PRPSAP2: variants seen among roughly 807,000 people sequenced by gnomAD.
PRPSAP2 encodes phosphoribosyl pyrophosphate synthase-associated protein 2.
PRPSAP2 carries 24 observed loss-of-function variants against 40.6 expected under a neutral mutation model. That is an observed-to-expected ratio of 0.59 (90% confidence interval 0.43 to 0.83). The LOEUF is 0.83. Ranked by LOEUF, PRPSAP2 falls within the 40% of genes least tolerant of loss-of-function variation. PRPSAP2 has a pLI of 0.00. For synonymous variants in PRPSAP2, 149 were observed against 164.7 expected, an observed-to-expected ratio of 0.90 and a Z score of 0.73; for missense variants, 292 against 465.6, an observed-to-expected ratio of 0.63 and a Z score of 3.43.
At chr17:18,861,305 A>C (rs1047344172) in intron 1 of PRPSAP2, 1 of 152,190 alleles carries the variant, frequency 6.6e-6, no homozygotes, top group African/African-American at 2.4e-5. Context: ...TCTCTACTAA[A>C]AATACAAAAT....
chr17:18,906,150 C>T (rs1480864041), intron 8 of PRPSAP2, among the ~76,000 whole-genome samples: 2 of 152,214 alleles, frequency 1.3e-5, no homozygotes, highest in Non-Finnish European at 2.9e-5. Context: ...ATATAAATTA[C>T]ATTCCTCATA....
intron 6 of PRPSAP2, among the ~76,000 whole-genome samples, 186 bp from the exon 7 acceptor site, chr17:18,882,382 G>A (rs1253651722): frequency 6.6e-6 from 1 of 151,736 alleles, no homozygotes; most frequent in African/African-American, 2.4e-5. Context: ...GTGGTGGCAT[G>A]CACCTGTATT....
rs759140755 is a variant in PRPSAP2, at chr17:18,930,670, T to C, written c.1082T>C (p.Leu361Pro). ...CACAATGGGGAGTCCATGTCCTACC[T>C]TTTCAGAAACATAGGCTTAGATGAC... is the stretch of plus-strand genomic sequence containing the variant. ...RIHNGESMSY[L>P]FRNIGLDD is the part of the protein sequence containing the mutation. The change falls in exon 12 of 12, where the codon CTT (leucine) becomes CCT (proline). Residue 361 changes from leucine to proline, a missense_variant. By Grantham distance (98) the Leu-to-Pro change is moderately conservative. Coordinates refer to ENST00000268835, the MANE Select transcript of PRPSAP2 (RefSeq NM_002767.4). 1 of 1,613,030 alleles carries C rather than the reference T, an allele frequency of 6.2e-7. No individual in the cohort carries two copies. The highest frequency in any genetic ancestry group is 2.2e-5 in the East Asian group (1 of 44,862).
intron 4 of PRPSAP2, among the ~76,000 whole-genome samples, chr17:18,871,527 A>T (rs1219232674): frequency 6.6e-6 from 1 of 152,244 alleles, no homozygotes; most frequent in East Asian, 1.9e-4. Flanking sequence ...TTTATGACTG[A>T]TCACACATAT....
At chr17:18,866,063 A>T in intron 3 of PRPSAP2, 111 bp downstream of exon 3, 2 of 717,776 alleles carry the variant, frequency 2.8e-6, no homozygotes, top group Non-Finnish European at 3.7e-6. Flanking sequence ...TATAATTATA[A>T]AATAATTATA....
At chr17:18,917,640 A>G in intron 9 of PRPSAP2, 1 of 108,914 alleles carries the variant, frequency 9.2e-6, no homozygotes, top group Non-Finnish European at 1.7e-5. Flanking sequence ...GGGTTTCGCC[A>G]TGTTGGCCAG....
At position 18,908,871 on chromosome 17, in the gene PRPSAP2, CTTATT is replaced by C. The variant is rs375681103; in HGVS notation, c.585-2225_585-2221del. ...ATGCTGAGGAGAAGCAATAAATCAT[CTTATT>C]TTATTTCCTTTTCCTCCCTTTCCTT... On this transcript the variant is annotated intron_variant, in intron 8 of 11. Coordinates refer to ENST00000268835, the MANE Select transcript of PRPSAP2 (RefSeq NM_002767.4). 679 of 578,376 alleles carry C rather than the reference CTTATT, an allele frequency of 1.2e-3. 3 individuals carry two copies. Among genetic ancestry groups the C allele is most frequent in the African/African-American group, 0.012 (617 of 52,684 alleles). 35.8% of individuals were successfully genotyped at this position (578,376 alleles called of 1,614,324 possible). A position where few individuals can be genotyped will look rare whatever the true frequency, so the allele number is the denominator to read the frequency against.
chr17:18,924,906 G>A (rs1329440889), intron 10 of PRPSAP2, among the ~76,000 whole-genome samples: 1 of 152,154 alleles, frequency 6.6e-6, no homozygotes, highest in African/African-American at 2.4e-5. Context: ...GATCACCTGA[G>A]GTCAGGAGTT....
intron 9 of PRPSAP2, among the ~76,000 whole-genome samples, chr17:18,919,275 G>T (rs1253751480): frequency 6.6e-6 from 1 of 152,162 alleles, no homozygotes; most frequent in Non-Finnish European, 1.5e-5. Flanking sequence ...TTGGGAGGCC[G>T]AGGTGGGTGG....
chr17:18,924,659 C>A (rs545952126), intron 10 of PRPSAP2, among the ~76,000 whole-genome samples: 5 of 151,414 alleles, frequency 3.3e-5, no homozygotes, highest in Non-Finnish European at 7.4e-5. Context: ...GTCCCAGCTA[C>A]TTGAGAGGCT....
chr17:18,887,259 A>G (rs2039234587), intron 7 of PRPSAP2, among the ~76,000 whole-genome samples: 1 of 150,474 alleles, frequency 6.6e-6, no homozygotes, highest in Non-Finnish European at 1.5e-5. Flanking sequence ...TTTTAATGAA[A>G]AATTTTAATG....
intron 7 of PRPSAP2, among the ~76,000 whole-genome samples, chr17:18,885,021 G>A (rs1045940188): frequency 3.3e-5 from 5 of 152,162 alleles, no homozygotes; most frequent in African/African-American, 9.7e-5. Context: ...GAAGCCTAAC[G>A]CTAGTCATTG....
intron 4 of PRPSAP2, among the ~76,000 whole-genome samples, chr17:18,869,842 T>TTGTGTG (rs60828225): frequency 7.9e-5 from 11 of 139,148 alleles, no homozygotes; most frequent in Non-Finnish European, 1.5e-4. Flanking sequence ...TACTTTTTTT[T>TTGTGTG]TGTGTGTGTG....
Position 18,930,697 on chromosome 17 carries a change from G to A in PRPSAP2, c.1109G>A (p.Ter370=). ...TTCAGAAACATAGGCTTAGATGACTGAGTTTTCCTTTAGGAAAACTCCCGA... is the reference window on the plus strand; with the variant it reads ...TTCAGAAACATAGGCTTAGATGACTAAGTTTTCCTTTAGGAAAACTCCCGA... The part of the protein sequence containing the change: ...YLFRNIGLDD[*] Residue 370 remains the stop codon, a stop_retained_variant, in exon 12 of 12, where the codon TGA becomes TAA. Coordinates refer to ENST00000268835, the MANE Select transcript of PRPSAP2 (RefSeq NM_002767.4). 6.2e-7 allele frequency: 1 copy of A among 1,607,792 alleles called. No homozygotes were observed. The highest frequency in any genetic ancestry group is 8.5e-7 in the Non-Finnish European group (1 of 1,176,744).
intron 1 of PRPSAP2, chr17:18,859,428 A>G (rs1054397775): frequency 1.3e-5 from 2 of 152,244 alleles, no homozygotes; most frequent in Admixed American, 1.3e-4. Flanking sequence ...ACTACAAATC[A>G]TGCTGAGACC....
At chr17:18,924,532 G>A (rs934699970) in intron 10 of PRPSAP2, among the ~76,000 whole-genome samples, 21 of 152,036 alleles carry the variant, frequency 1.4e-4, no homozygotes, top group East Asian at 1.9e-4. Context: ...ACTTTGGGAC[G>A]CCAAGGCAGG....
Position 18,930,741 on chromosome 17 carries a change from A to C in PRPSAP2, c.*43A>C. On this transcript the variant is annotated 3_prime_UTR_variant, in exon 12 of 12. Transcript: ENST00000268835. ...CTCCCGAGGGCCAAACTGGAAACAT[A>C]AGAGTGACTGCTCGGTGGGATGGAT... 6.5e-7 allele frequency: 1 copy of C among 1,543,580 alleles called. No homozygotes were observed. Among genetic ancestry groups the C allele is most frequent in the African/African-American group, 1.4e-5 (1 of 73,212 alleles).
chr17:18,930,533 T>C lies in PRPSAP2; in HGVS notation c.952-7T>C. On this transcript the variant is annotated splice_polypyrimidine_tract_variant and splice_region_variant and intron_variant, in intron 11 of 11. Transcript: ENST00000268835. Reference sequence around the variant, plus strand: ...GATGCTGTGGTTTTTTTTCTTTTGCTTCACAGGTGGTGGTCACCAATACAA... The same window carrying C: ...GATGCTGTGGTTTTTTTTCTTTTGCCTCACAGGTGGTGGTCACCAATACAA... The C allele has an allele frequency of 6.2e-7, 1 of 1,608,612 alleles. No homozygotes were observed. Among genetic ancestry groups the C allele is most frequent in the South Asian group, 1.1e-5 (1 of 90,200 alleles).
Position 18,928,962 on chromosome 17 carries a change from C to T in PRPSAP2, c.951+5C>T. 2 of 1,612,706 alleles carry T rather than the reference C, an allele frequency of 1.2e-6. No homozygotes were observed. The highest frequency in any genetic ancestry group is 1.7e-6 in the Non-Finnish European group (2 of 1,179,010). ...GAAGAGTCTGCCATTGATGAGGTAA[C>T]AGGGTCTGGGTGTGTGTGGGTACAG... On this transcript the variant is annotated splice_donor_5th_base_variant and intron_variant, in intron 11 of 11. Coordinates refer to ENST00000268835, the MANE Select transcript of PRPSAP2 (RefSeq NM_002767.4).
Sources: allele counts gnomAD v4.1 joint callset (sites outside exome capture counted in the v4.1 genomes callset), GRCh38; gene constraint gnomAD v4.1.1; transcripts MANE v1.5; gene names NCBI Gene and HGNC (gene_info 2026-07-23, HGNC 2026-07-21).